The following DNHD1 variants were observed in gnomAD, a reference collection of about 807,000 sequenced individuals.
DNHD1 encodes the protein dynein heavy chain domain-containing protein 1.
DNHD1 carries 383 observed loss-of-function variants against 458.1 expected under a neutral mutation model. The ratio of observed to expected loss-of-function variants is 0.84; its 90% CI spans 0.77 to 0.91. DNHD1 has a LOEUF of 0.91. Ranked by LOEUF, DNHD1 falls within the 40% of genes least tolerant of loss-of-function variation. The pLI is 0.00. For synonymous variants in DNHD1, 2,203 were observed against 2,376.9 expected (o/e 0.93, Z 2.13); for missense variants, 5,336 against 5,866.1 (o/e 0.91, Z 2.95).
intron 7 of DNHD1, among the ~76,000 whole-genome samples, chr11:6,516,454 C>T (rs969030902): frequency 1.3e-5 from 2 of 151,724 alleles, no homozygotes; most frequent in Non-Finnish European, 2.9e-5. Context: ...CCCACCACCA[C>T]GCCTGGCTAA....
intron 39 of DNHD1, 143 bp downstream of exon 39, chr11:6,569,009 A>C: frequency 9.5e-7 from 1 of 1,049,108 alleles, no homozygotes; most frequent in Non-Finnish European, 1.3e-6. Flanking sequence ...GGCTTCTCCA[A>C]AGACTTTGAG....
rs1000248056 is a variant in DNHD1, at chr11:6,557,978, A to G, written c.8683A>G (p.Thr2895Ala). ...CCTGCTGCTCTCGGGGGCTCTGGGT[A>G]CTGGGCGCCACACTGCCATCACTCT... ...HGLLLSGALG[T>A]GRHTAITLAS... Residue 2895 changes from threonine to alanine, a missense_variant, in exon 25 of 43, where the codon ACT (threonine) becomes GCT (alanine). Physicochemically the swap from Thr to Ala is moderately conservative, Grantham distance 58 (BLOSUM62 0). Coordinates refer to ENST00000254579, the MANE Select transcript of DNHD1 (RefSeq NM_144666.3). 9 of 1,551,472 alleles carry G rather than the reference A, an allele frequency of 5.8e-6. No individual in the cohort carries two copies. The highest frequency in any genetic ancestry group is 1.2e-5 in the South Asian group (1 of 84,052).
Position 6,545,308 on chromosome 11 carries a change from T to G in DNHD1, c.4369T>G (p.Leu1457Val), listed in dbSNP as rs1203507130. Residue 1457 changes from leucine to valine, a missense_variant, in exon 21 of 43, where the codon TTG becomes GTG. Transcript: ENST00000254579. This position sits in a 1 kb window ranked among gnomAD's most constrained non-coding sequence, Gnocchi z 4.9. ...GGCCTCTCTGGAGAAGTGTCTGCGC[T>G]TGGCACTGGTGCACATGCTGCAGGG... ...WLASLEKCLR[L>V]ALVHMLQGCV... The G allele has an allele frequency of 6.4e-7, 1 of 1,551,754 alleles. No homozygotes were observed. Among genetic ancestry groups the G allele is most frequent in the South Asian group, 1.2e-5 (1 of 84,068 alleles).
In DNHD1 at chr11:6,528,946, G is replaced by T. The variant is rs1200175996; in HGVS notation, c.2172G>T (p.Leu724=). 3.9e-6 allele frequency: 6 copies of T among 1,551,586 alleles called. No individual in the cohort carries two copies. In the African/African-American group the frequency reaches 5.5e-5, roughly 14 times the overall value. The change falls in exon 12 of 43, where the codon CTG becomes CTT. Residue 724 remains leucine (L), a synonymous_variant. Transcript: ENST00000254579. ...HHWITGIYEF[L]QSWGPQKLED... ...GGATAACAGGCATTTATGAATTCCT[G>T]CAATCCTGGGGGCCTCAGAAGCTGG...
chr11:6,569,437 T>C (rs1343815020), intron 39 of DNHD1, among the ~76,000 whole-genome samples: 1 of 151,730 alleles, frequency 6.6e-6, no homozygotes, highest in Non-Finnish European at 1.5e-5. Flanking sequence ...GAGCCGAGAT[T>C]GCACCACTGC....
intron 26 of DNHD1, 103 bp downstream of exon 26, chr11:6,558,796 C>T: frequency 6.7e-7 from 1 of 1,491,446 alleles, no homozygotes; most frequent in East Asian, 2.5e-5. Flanking sequence ...GCCTACAGAG[C>T]CCCCTTCACA....
In DNHD1 at chr11:6,557,283, G is replaced by T; in HGVS notation, c.7988G>T (p.Arg2663Met). 6.4e-7 allele frequency: 1 copy of T among 1,551,554 alleles called. No individual in the cohort carries two copies. The highest frequency in any genetic ancestry group is 8.7e-7 in the Non-Finnish European group (1 of 1,146,990). ...TTTTGCGACCGGCTGGACAGCCCCA[G>T]GGAACGCTCCTACTGTGCCAAGCTG... Reference protein sequence around the residue: ...RTFCDRLDSPRERSYCAKLLL... With the variant: ...RTFCDRLDSPMERSYCAKLLL... The change falls in exon 25 of 43, where the codon AGG (arginine) becomes ATG (methionine). Residue 2663 changes from arginine (R) to methionine (M), a missense_variant. Arg to Met is a moderately conservative substitution (Grantham distance 91). This residue lies in a region of DNHD1 where 3,932 missense variants were observed against 4,365.6 expected (regional missense o/e 0.90). Transcript: ENST00000254579.
Position 6,546,718 on chromosome 11 carries a change from A to G in DNHD1, c.5779A>G (p.Asn1927Asp). 6.4e-7 allele frequency: 1 copy of G among 1,551,664 alleles called. No homozygotes were observed. The highest frequency in any genetic ancestry group is 1.2e-5 in the South Asian group (1 of 84,060). Reference protein sequence around the residue: ...FSILNGLHLHNLRGLLCALFP... With the variant: ...FSILNGLHLHDLRGLLCALFP... ...CATTCTCAATGGGCTCCACCTGCACAACCTCCGAGGGCTGTTGTGTGCGCT... is the reference window on the plus strand; with the variant it reads ...CATTCTCAATGGGCTCCACCTGCACGACCTCCGAGGGCTGTTGTGTGCGCT... The change falls in exon 21 of 43, where the codon AAC (asparagine) becomes GAC (aspartate). Residue 1927 changes from asparagine to aspartate, a missense_variant. Asn to Asp is a conservative substitution (Grantham distance 23). Coordinates refer to ENST00000254579, the MANE Select transcript of DNHD1 (RefSeq NM_144666.3).
chr11:6,509,068 G>T lies in DNHD1; in HGVS notation c.1109G>T (p.Arg370Leu). Reference sequence around the variant, plus strand: ...CCATTCTTTAAGTATTGCCTCTTACGCAAGTCCTTTACCTGGTAGGTAATG... The same window carrying T: ...CCATTCTTTAAGTATTGCCTCTTACTCAAGTCCTTTACCTGGTAGGTAATG... ...FIPFFKYCLL[R>L]KSFTCWKKNV... Residue 370 changes from arginine (R) to leucine (L), a missense_variant, in exon 5 of 43, where the codon CGC (arginine) becomes CTC (leucine). By Grantham distance (102) the Arg-to-Leu change is moderately radical. Coordinates refer to ENST00000254579, the MANE Select transcript of DNHD1 (RefSeq NM_144666.3). The T allele has an allele frequency of 1.9e-6, 3 of 1,614,172 alleles. No individual in the cohort carries two copies. The highest frequency in any genetic ancestry group is 2.5e-6 in the Non-Finnish European group (3 of 1,180,020).
rs1311100557 is a variant in DNHD1, at chr11:6,568,589, A to G, written c.12661+13A>G. On this transcript the variant is annotated intron_variant, in intron 38 of 42. Transcript: ENST00000254579. ...GCTTCTTTGCCAGGTGAGGAGCTTA[A>G]CCCCCTACAGGCTCTCAAATTGGAA... 1.9e-6 allele frequency: 3 copies of G among 1,613,762 alleles called. No homozygotes were observed. In the South Asian group the frequency reaches 3.3e-5, roughly 18 times the overall value.
At chr11:6,569,444 C>T (rs1211713387) in intron 39 of DNHD1, among the ~76,000 whole-genome samples, 2 of 151,738 alleles carry the variant, frequency 1.3e-5, no homozygotes, top group African/African-American at 4.8e-5. Context: ...GATTGCACCA[C>T]TGCACTCCAG....
chr11:6,566,003 T>TGGGCCCCCCCCCC lies in DNHD1; in HGVS notation c.11053+12_11053+13insGGGCCCCCCCCCC. The TGGGCCCCCCCCCC allele has an allele frequency of 6.6e-7, 1 of 1,509,090 alleles. No homozygotes were observed. The highest frequency in any genetic ancestry group is 9.0e-7 in the Non-Finnish European group (1 of 1,110,808). The allele number at this position is 1,509,090 out of a possible 1,614,324, so 93.5% of individuals were successfully genotyped here. On this transcript the variant is annotated intron_variant, in intron 33 of 42. Transcript: ENST00000254579. Reference sequence around the variant, plus strand: ...GGCAGCTGCTTGTGGTGAGAGCTGGTCCCCACCCACCCTGGCCCCTTTTTG... The same window carrying TGGGCCCCCCCCCC: ...GGCAGCTGCTTGTGGTGAGAGCTGGTGGGCCCCCCCCCCCCCCACCCACCCTGGCCCCTTTTTG...
rs1383858981 is a variant in DNHD1 at position 6,564,006 on chromosome 11, A to C, written c.10166A>C (p.Gln3389Pro). The stretch of plus-strand genomic sequence containing the variant: ...CTGGCTAAGATGGTGGAGGATGCCC[A>C]AGCTTCCCACAACTGCGTGGCAAAG... Reference protein sequence around the residue: ...LALAKMVEDAQASHNCVAKTL... With the variant: ...LALAKMVEDAPASHNCVAKTL... The change falls in exon 31 of 43, where the codon CAA (glutamine) becomes CCA (proline). Residue 3389 changes from glutamine (Q) to proline (P), a missense_variant. Gln to Pro is a moderately conservative substitution (Grantham distance 76). Coordinates refer to ENST00000254579, the MANE Select transcript of DNHD1 (RefSeq NM_144666.3). 10 of 1,551,596 alleles carry C rather than the reference A, an allele frequency of 6.4e-6. No homozygotes were observed.
chr11:6,520,800 A>T (rs1852590237), intron 10 of DNHD1: 1 of 991,676 alleles, frequency 1.0e-6, no homozygotes, highest in African/African-American at 1.7e-5. Context: ...GTGGAAACAC[A>T]TCTTCACATT....
chr11:6,530,696 A>G (rs906849875), intron 12 of DNHD1, among the ~76,000 whole-genome samples: 1 of 152,166 alleles, frequency 6.6e-6, no homozygotes, highest in Non-Finnish European at 1.5e-5. Flanking sequence ...ATGAAAGCAC[A>G]TGTATCATTA....
intron 24 of DNHD1, among the ~76,000 whole-genome samples, chr11:6,553,506 GAAAT>G (rs1589889870): frequency 6.6e-6 from 1 of 152,098 alleles, no homozygotes; most frequent in Non-Finnish European, 1.5e-5. Context: ...TTAAGAAAAA[GAAAT>G]AAAAGCTTTT....
chr11:6,502,894 C>T lies in DNHD1; in HGVS notation c.888C>T (p.Leu296=). The change falls in exon 4 of 43, where the codon CTC becomes CTT. Residue 296 remains leucine, a synonymous_variant. Coordinates refer to ENST00000254579, the MANE Select transcript of DNHD1 (RefSeq NM_144666.3). Reference sequence around the variant, plus strand: ...GATACCTGAAGAAGATCCACTTCCTCTATCTCAATGTGGCTCCCAGCCGGT... The same window carrying T: ...GATACCTGAAGAAGATCCACTTCCTTTATCTCAATGTGGCTCCCAGCCGGT... The part of the protein sequence containing the change: ...MERYLKKIHF[L]YLNVAPSRYF... 1 of 1,613,824 alleles carries T rather than the reference C, an allele frequency of 6.2e-7. No homozygotes were observed. The highest frequency in any genetic ancestry group is 1.3e-5 in the African/African-American group (1 of 75,030).
At chr11:6,566,043 G>A (rs1853688630) in intron 33 of DNHD1, 52 bp downstream of exon 33, 8 of 1,482,032 alleles carry the variant, frequency 5.4e-6, no homozygotes, top group Non-Finnish European at 5.4e-6. Context: ...GCCCCATTCT[G>A]TGACCCCACA....
Position 6,571,536 on chromosome 11 carries a change from C to T in DNHD1, c.13912-100C>T, listed in dbSNP as rs926215545. The stretch of plus-strand genomic sequence containing the variant: ...CCCCCGGTAACCCTGCTAGCTTCTC[C>T]GATCTCGCTTCACCACGACCTCCTA... On this transcript the variant is annotated intron_variant, in intron 42 of 42. Coordinates refer to ENST00000254579, the MANE Select transcript of DNHD1 (RefSeq NM_144666.3). The surrounding 1 kb of genome is among the most constrained non-coding windows in gnomAD (Gnocchi z 5.0). 1 of 1,453,770 alleles carries T rather than the reference C, an allele frequency of 6.9e-7. No individual in the cohort carries two copies. Among genetic ancestry groups the T allele is most frequent in the Non-Finnish European group, 9.2e-7 (1 of 1,091,076 alleles). 90.1% of individuals were successfully genotyped at this position (1,453,770 alleles called of 1,614,324 possible). A position where few individuals can be genotyped will look rare whatever the true frequency, so the allele number is the denominator to read the frequency against.
Sources: allele counts gnomAD v4.1 joint callset (sites outside exome capture counted in the v4.1 genomes callset), GRCh38; gene constraint gnomAD v4.1.1; regional missense constraint gnomAD v4.1.1; non-coding constraint Gnocchi (gnomAD v3.1); transcripts MANE v1.5; gene names NCBI Gene and HGNC (gene_info 2026-07-23, HGNC 2026-07-21).